The following ADAMTS17 variants were observed in gnomAD, a reference collection of about 807,000 sequenced individuals.
The protein encoded by ADAMTS17 is A disintegrin and metalloproteinase with thrombospondin motifs 17.
In ADAMTS17, 113 loss-of-function variants were observed where a neutral mutation model predicts 141.5. The ratio of observed to expected loss-of-function variants is 0.80; its 90% CI spans 0.69 to 0.93. The LOEUF is 0.93. Among genes scored for constraint, ADAMTS17 ranks in the 40% least tolerant of loss-of-function variants. The probability of loss-of-function intolerance (pLI) is 0.00; values close to 1 mark genes in which losing one functional copy is unlikely to be tolerated. For synonymous variants in ADAMTS17, 768 were observed against 630.6 expected, an observed-to-expected ratio of 1.22 and a Z score of -3.27; for missense variants, 1,659 against 1,517.9, an observed-to-expected ratio of 1.09 and a Z score of -1.54.
intron 18 of ADAMTS17, among the ~76,000 whole-genome samples, chr15:100,000,249 C>A (rs141647494): frequency 6.6e-6 from 1 of 152,322 alleles, no homozygotes; most frequent in African/African-American, 2.4e-5. Context: ...ACACATTTCT[C>A]CTAGTTCATT....
At chr15:100,091,039 T>A (rs28740990) in intron 15 of ADAMTS17, among the ~76,000 whole-genome samples, 15,836 of 114,402 alleles carry the variant, frequency 0.14, 1,604 homozygotes, top group African/African-American at 0.31. Flanking sequence ...GGGTAACCAA[T>A]GAAAAAGACA....
At chr15:100,255,956 G>C (rs1465662338) in intron 6 of ADAMTS17, among the ~76,000 whole-genome samples, 1 of 152,178 alleles carries the variant, frequency 6.6e-6, no homozygotes, top group Admixed American at 6.5e-5. Context: ...CTCAGGGAGG[G>C]AGAGCCACAC....
At chr15:100,247,427 T>C (rs965539815) in intron 7 of ADAMTS17, among the ~76,000 whole-genome samples, 1 of 152,056 alleles carries the variant, frequency 6.6e-6, no homozygotes, top group African/African-American at 2.4e-5. Context: ...AAAACCACCC[T>C]CACAGAATGA....
Position 100,048,504 on chromosome 15 carries a change from C to T in ADAMTS17, c.2591+353G>A, listed in dbSNP as rs2031884761. On this transcript the variant is annotated intron_variant, in intron 18 of 21. Transcript: ENST00000268070. ...AGCCTGTGTGCACCTTTCTCCTGGG[C>T]ACTCAGACTCCAATATTTGTTTCCT... Among the ~76,000 whole-genome samples, 2 of 151,958 alleles carry T rather than the reference C, an allele frequency of 1.3e-5. 1 individual carries two copies. Among genetic ancestry groups the T allele is most frequent in the African/African-American group, 4.8e-5 (2 of 41,442 alleles).
intron 8 of ADAMTS17, among the ~76,000 whole-genome samples, chr15:100,196,749 G>A (rs891300750): frequency 1.3e-5 from 2 of 152,226 alleles, no homozygotes; most frequent in Admixed American, 1.3e-4. Context: ...TGAGAGTGCA[G>A]GTTGGTCTTG....
At chr15:100,097,337 A>G (rs2035824650) in intron 14 of ADAMTS17, among the ~76,000 whole-genome samples, 1 of 152,164 alleles carries the variant, frequency 6.6e-6, no homozygotes, top group African/African-American at 2.4e-5. Context: ...CCTGCACCCC[A>G]GATTACATAT....
chr15:100,049,816 A>G (rs937548170), intron 17 of ADAMTS17, among the ~76,000 whole-genome samples: 1 of 152,176 alleles, frequency 6.6e-6, no homozygotes. Context: ...TCTGTGTCTC[A>G]GTTTCCTCAA....
chr15:100,046,475 T>C (rs2031692759), intron 18 of ADAMTS17, among the ~76,000 whole-genome samples: 1 of 152,182 alleles, frequency 6.6e-6, no homozygotes, highest in Non-Finnish European at 1.5e-5. Context: ...TTAAAAAGAC[T>C]TGGGTATAAA....
intron 3 of ADAMTS17, among the ~76,000 whole-genome samples, chr15:100,315,804 C>T (rs2045548432): frequency 6.6e-6 from 1 of 152,248 alleles, no homozygotes; most frequent in African/African-American, 2.4e-5. Context: ...CATGAAGCCT[C>T]ATTTAAACAC....
intron 7 of ADAMTS17, among the ~76,000 whole-genome samples, chr15:100,236,085 T>C (rs2042644546): frequency 6.6e-6 from 1 of 152,082 alleles, no homozygotes; most frequent in Admixed American, 6.5e-5. Context: ...AGTGACTCAA[T>C]TACCATCTCT....
At chr15:100,002,670 A>G (rs1392270520) in intron 18 of ADAMTS17, among the ~76,000 whole-genome samples, 2 of 152,140 alleles carry the variant, frequency 1.3e-5, no homozygotes, top group East Asian at 3.8e-4. Flanking sequence ...GAGGCTTCCC[A>G]CAAAAGTGAT....
chr15:100,033,255 G>T (rs148017037), intron 18 of ADAMTS17, among the ~76,000 whole-genome samples: 3 of 152,256 alleles, frequency 2.0e-5, no homozygotes, highest in Non-Finnish European at 4.4e-5. Flanking sequence ...AAATAACCAG[G>T]ATAAGTCTGG....
At chr15:100,115,398 G>A (rs1483145605) in intron 13 of ADAMTS17, among the ~76,000 whole-genome samples, 5 of 152,192 alleles carry the variant, frequency 3.3e-5, no homozygotes, top group Admixed American at 3.3e-4. Flanking sequence ...AATTCTGCTG[G>A]CGAGCTGATG....
chr15:100,132,153 C>T lies in ADAMTS17; in HGVS notation c.1576-1G>A, dbSNP rs1235770156. On this transcript the variant is annotated splice_acceptor_variant, in intron 11 of 21. Coordinates refer to ENST00000268070, the MANE Select transcript of ADAMTS17 (RefSeq NM_139057.4). LOFTEE classifies it high-confidence loss of function. ...TCACGCACTCCCCCGCGCGGCACCA[C>T]TGAAACACAGCGGGGAGGGTCGGGG... 1.2e-6 allele frequency: 2 copies of T among 1,613,272 alleles called. No homozygotes were observed. The highest frequency in any genetic ancestry group is 1.7e-6 in the Non-Finnish European group (2 of 1,179,866).
At chr15:100,262,235 C>A in intron 5 of ADAMTS17, 117 bp downstream of exon 5, 2 of 916,348 alleles carry the variant, frequency 2.2e-6, no homozygotes, top group Admixed American at 4.0e-5. Flanking sequence ...GGCAAAGCCA[C>A]AGAGAGTGAC....
intron 12 of ADAMTS17, among the ~76,000 whole-genome samples, chr15:100,122,328 A>T (rs924600642): frequency 1.3e-5 from 2 of 152,232 alleles, no homozygotes; most frequent in African/African-American, 4.8e-5. Flanking sequence ...TTCAGTTTTA[A>T]GTCATTATTT....
chr15:100,335,642 G>C (rs2141975338), intron 2 of ADAMTS17, among the ~76,000 whole-genome samples: 1 of 152,330 alleles, frequency 6.6e-6, no homozygotes, highest in East Asian at 1.9e-4. Flanking sequence ...TGTATAACTA[G>C]AAAAGTCTGG....
At chr15:100,093,959 A>C (rs964290860) in intron 15 of ADAMTS17, among the ~76,000 whole-genome samples, 2 of 151,908 alleles carry the variant, frequency 1.3e-5, no homozygotes, top group African/African-American at 4.8e-5. Context: ...GTTTGTGCTG[A>C]ATGAAACTAT....
chr15:100,195,999 T>C (rs2041101638), intron 8 of ADAMTS17, among the ~76,000 whole-genome samples: 1 of 152,188 alleles, frequency 6.6e-6, no homozygotes, highest in South Asian at 2.1e-4. Flanking sequence ...ACTGACTCAA[T>C]GGCGTGATAA....
Sources: allele counts gnomAD v4.1 joint callset (sites outside exome capture counted in the v4.1 genomes callset), GRCh38; gene constraint gnomAD v4.1.1; transcripts MANE v1.5; gene names NCBI Gene and HGNC (gene_info 2026-07-23, HGNC 2026-07-21).